Variants in IFNA5 observed in about 807,000 individuals in gnomAD.
IFNA5 encodes the protein interferon alpha 5.
For synonymous variants in IFNA5, 95 were observed against 77.6 expected (o/e 1.22, Z -1.18); for missense variants, 267 against 213.8 (o/e 1.25, Z -1.55).
rs189199489 is a variant in IFNA5 at position 21,305,273 on chromosome 9, G to T, written c.-17C>A. 3.8e-6 allele frequency: 6 copies of T among 1,560,194 alleles called. No homozygotes were observed. Among genetic ancestry groups the T allele is most frequent in the Non-Finnish European group, 5.2e-6 (6 of 1,157,086 alleles). The stretch of plus-strand genomic sequence containing the variant: ...CAAGGCCATTGGGGAGGTTGCAGAT[G>T]CTTCTGGGCTGTTGAGATTGAGTGA... On this transcript the variant is annotated 5_prime_UTR_variant, in exon 1 of 1. Coordinates refer to ENST00000610521, the MANE Select transcript of IFNA5 (RefSeq NM_002169.3).
Position 21,305,284 on chromosome 9 carries a change from G to A in IFNA5, c.-28C>T. ...GGGAGGTTGCAGATGCTTCTGGGCT[G>A]TTGAGATTGAGTGACCCTGAACCTT... On this transcript the variant is annotated 5_prime_UTR_variant, in exon 1 of 1. Coordinates refer to ENST00000610521, the MANE Select transcript of IFNA5 (RefSeq NM_002169.3). The A allele has an allele frequency of 6.5e-7, 1 of 1,541,404 alleles. No homozygotes were observed. The highest frequency in any genetic ancestry group is 1.3e-5 in the South Asian group (1 of 77,842).
At position 21,304,533 on chromosome 9, in the gene IFNA5, AAAG is replaced by A. The variant is rs1819810522; in HGVS notation, c.*151_*153del. The A allele has an allele frequency of 2.6e-6, 2 of 769,642 alleles. No individual in the cohort carries two copies. The highest frequency in any genetic ancestry group is 3.5e-5 in the African/African-American group (2 of 56,770). The allele number at this position is 769,642 out of a possible 1,614,324, so 47.7% of individuals were successfully genotyped here. A position where few individuals can be genotyped will look rare whatever the true frequency, so the allele number is the denominator to read the frequency against. ...GTAAAGATTTTGTCCCTGTGGAGCTAAAGAAGTGTTGCTTAACACGTGTGAAAC... is the reference window on the plus strand; with the variant it reads ...GTAAAGATTTTGTCCCTGTGGAGCTAAAGTGTTGCTTAACACGTGTGAAAC... On this transcript the variant is annotated 3_prime_UTR_variant, in exon 1 of 1. Transcript: ENST00000610521.
chr9:21,304,989 G>A lies in IFNA5; in HGVS notation c.268C>T (p.Leu90Phe). The part of the protein sequence containing the change: ...LHEMIQQTFN[L>F]FSTKDSSATW... Reference sequence around the variant, plus strand: ...GCAGATGAGTCCTTTGTGCTGAAGAGATTGAAGGTCTGCTGGATCATCTCA... The same window carrying A: ...GCAGATGAGTCCTTTGTGCTGAAGAAATTGAAGGTCTGCTGGATCATCTCA... The change falls in exon 1 of 1, where the codon CTC becomes TTC. Residue 90 changes from leucine (L) to phenylalanine (F), a missense_variant. By Grantham distance (22) the Leu-to-Phe change is conservative. Coordinates refer to ENST00000610521, the MANE Select transcript of IFNA5 (RefSeq NM_002169.3). 9 of 1,614,226 alleles carry A rather than the reference G, an allele frequency of 5.6e-6. No individual in the cohort carries two copies. Among genetic ancestry groups the A allele is most frequent in the Non-Finnish European group, 7.6e-6 (9 of 1,180,038 alleles).
In IFNA5 at chr9:21,305,036, G is replaced by A. The variant is rs770111825; in HGVS notation, c.221C>T (p.Ala74Val). 6.2e-6 allele frequency: 10 copies of A among 1,614,224 alleles called. No homozygotes were observed. In the East Asian group the frequency reaches 2.0e-4, roughly 32 times the overall value. The change falls in exon 1 of 1, where the codon GCT becomes GTT. Residue 74 changes from alanine (A) to valine (V), a missense_variant. Transcript: ENST00000610521. ...EEFDGNQFQK[A>V]QAISVLHEMI... The stretch of plus-strand genomic sequence containing the variant: ...CTCATGGAGGACAGAGATGGCTTGA[G>A]CCTTCTGGAACTGGTTGCCATCAAA...
At position 21,305,208 on chromosome 9, in the gene IFNA5, T is replaced by G. The variant is rs776157117; in HGVS notation, c.49A>C (p.Lys17Gln). 1.9e-6 allele frequency: 3 copies of G among 1,611,114 alleles called. No individual in the cohort carries two copies. Among genetic ancestry groups the G allele is most frequent in the South Asian group, 2.2e-5 (2 of 90,502 alleles). ...TCACAGCCCAGAGAACAGATTGACT[T>G]GCAGTTGAGCACCACCAGGGCCATC... ...LLMALVVLNC[K>Q]SICSLGCDLP... Residue 17 changes from lysine (K) to glutamine (Q), a missense_variant, in exon 1 of 1, where the codon AAG becomes CAG. Lys to Gln is a moderately conservative substitution (Grantham distance 53). Coordinates refer to ENST00000610521, the MANE Select transcript of IFNA5 (RefSeq NM_002169.3).
rs748709351 is a variant in IFNA5, at chr9:21,304,923, G to T, written c.334C>A (p.Leu112Ile). 3 of 1,614,198 alleles carry T rather than the reference G, an allele frequency of 1.9e-6. No individual in the cohort carries two copies. The highest frequency in any genetic ancestry group is 1.1e-5 in the South Asian group (1 of 91,078). ...ETLLDKFYTELYQQLNDLEAC... is the reference protein window; with the variant it reads ...ETLLDKFYTEIYQQLNDLEAC... ...TCCAGGTCATTCAGCTGCTGGTAAA[G>T]TTCAGTGTAGAATTTGTCTAGAAGT... Residue 112 changes from leucine (L) to isoleucine (I), a missense_variant, in exon 1 of 1, where the codon CTT (leucine) becomes ATT (isoleucine). Transcript: ENST00000610521.
Position 21,304,929 on chromosome 9 carries a change from T to C in IFNA5, c.328A>G (p.Thr110Ala), listed in dbSNP as rs772434166. 32 of 1,613,984 alleles carry C rather than the reference T, an allele frequency of 2.0e-5. No homozygotes were observed. Among genetic ancestry groups the C allele is most frequent in the Non-Finnish European group, 2.7e-5 (32 of 1,180,024 alleles). The stretch of plus-strand genomic sequence containing the variant: ...TCATTCAGCTGCTGGTAAAGTTCAG[T>C]GTAGAATTTGTCTAGAAGTGTCTCA... Reference protein sequence around the residue: ...WDETLLDKFYTELYQQLNDLE... With the variant: ...WDETLLDKFYAELYQQLNDLE... The change falls in exon 1 of 1, where the codon ACT becomes GCT. Residue 110 changes from threonine to alanine, a missense_variant. Coordinates refer to ENST00000610521, the MANE Select transcript of IFNA5 (RefSeq NM_002169.3).
At position 21,304,654 on chromosome 9, in the gene IFNA5, T is replaced by C. The variant is rs777766332; in HGVS notation, c.*33A>G. On this transcript the variant is annotated 3_prime_UTR_variant, in exon 1 of 1. Coordinates refer to ENST00000610521, the MANE Select transcript of IFNA5 (RefSeq NM_002169.3). ...CAAGAAGTGTGAAATGGTGTACTAG[T>C]CAATGAGAATCATTTCGATGTTGAA... 1 of 1,583,992 alleles carries C rather than the reference T, an allele frequency of 6.3e-7. No homozygotes were observed. Among genetic ancestry groups the C allele is most frequent in the Non-Finnish European group, 8.6e-7 (1 of 1,161,112 alleles).
In IFNA5 at chr9:21,304,482, G is replaced by T. The variant is rs990890246; in HGVS notation, c.*205C>A. ...AGACAGACAGATAGATAAATAGATA[G>T]AATAGATAGATTGGCATGATCATCT... is the stretch of plus-strand genomic sequence containing the variant. On this transcript the variant is annotated 3_prime_UTR_variant, in exon 1 of 1. Transcript: ENST00000610521. 8.5e-5 allele frequency: 37 copies of T among 432,902 alleles called. No homozygotes were observed. The highest frequency in any genetic ancestry group is 3.6e-4 in the Admixed American group (9 of 25,152). The allele number at this position is 432,902 out of a possible 1,614,324, so 26.8% of individuals were successfully genotyped here.
chr9:21,304,829 A>G lies in IFNA5; in HGVS notation c.428T>C (p.Val143Ala), dbSNP rs1819817204. 6 of 1,614,166 alleles carry G rather than the reference A, an allele frequency of 3.7e-6. No homozygotes were observed. The highest frequency in any genetic ancestry group is 4.2e-6 in the Non-Finnish European group (5 of 1,180,020). Reference protein sequence around the residue: ...PLMNVDSILTVRKYFQRITLY... With the variant: ...PLMNVDSILTARKYFQRITLY... Reference sequence around the variant, plus strand: ...GGTGATTCTTTGAAAGTATTTTCTCACAGTCAGGATAGAGTCCACATTCAT... The same window carrying G: ...GGTGATTCTTTGAAAGTATTTTCTCGCAGTCAGGATAGAGTCCACATTCAT... Residue 143 changes from valine to alanine, a missense_variant, in exon 1 of 1, where the codon GTG becomes GCG. Val to Ala is a moderately conservative substitution (Grantham distance 64). Coordinates refer to ENST00000610521, the MANE Select transcript of IFNA5 (RefSeq NM_002169.3).
In IFNA5 at chr9:21,304,611, AT is replaced by A; in HGVS notation, c.*75del. 6.8e-7 allele frequency: 1 copy of A among 1,475,204 alleles called. No homozygotes were observed. Among genetic ancestry groups the A allele is most frequent in the Non-Finnish European group, 9.2e-7 (1 of 1,091,554 alleles). 91.4% of individuals were successfully genotyped at this position (1,475,204 alleles called of 1,614,324 possible). On this transcript the variant is annotated 3_prime_UTR_variant, in exon 1 of 1. Coordinates refer to ENST00000610521, the MANE Select transcript of IFNA5 (RefSeq NM_002169.3). ...AGTCATGGATATAGCAGAAATTAAT[AT>A]TTGAAACGGCAGAACTCAAGAAGTG...
Position 21,305,301 on chromosome 9 carries a change from C to T in IFNA5, c.-45G>A. ...TCTGGGCTGTTGAGATTGAGTGACCCTGAACCTTGGGCTCTTCTCTGAAGA... is the reference window on the plus strand; with the variant it reads ...TCTGGGCTGTTGAGATTGAGTGACCTTGAACCTTGGGCTCTTCTCTGAAGA... On this transcript the variant is annotated 5_prime_UTR_variant, in exon 1 of 1. Transcript: ENST00000610521. 1.3e-6 allele frequency: 2 copies of T among 1,493,386 alleles called. No homozygotes were observed. The highest frequency in any genetic ancestry group is 1.8e-6 in the Non-Finnish European group (2 of 1,109,320). 92.5% of individuals were successfully genotyped at this position (1,493,386 alleles called of 1,614,324 possible).
At position 21,304,960 on chromosome 9, in the gene IFNA5, A is replaced by C; in HGVS notation, c.297T>G (p.Thr99=). Residue 99 remains threonine, a synonymous_variant, in exon 1 of 1, where the codon ACT becomes ACG. Transcript: ENST00000610521. ...NLFSTKDSSA[T]WDETLLDKFY... is the part of the protein sequence containing the mutation. Reference sequence around the variant, plus strand: ...ATTTGTCTAGAAGTGTCTCATCCCAAGTAGCAGATGAGTCCTTTGTGCTGA... The same window carrying C: ...ATTTGTCTAGAAGTGTCTCATCCCACGTAGCAGATGAGTCCTTTGTGCTGA... 1.2e-6 allele frequency: 2 copies of C among 1,614,166 alleles called. No homozygotes were observed. The highest frequency in any genetic ancestry group is 1.7e-6 in the Non-Finnish European group (2 of 1,180,028).
At position 21,304,366 on chromosome 9, in the gene IFNA5, A is replaced by G. The variant is rs1819807299; in HGVS notation, c.*321T>C. ...ACATATTTTATTATATTAGCCACAA[A>G]GTAAAGGTGGATGTAATATTACCTG... is the stretch of plus-strand genomic sequence containing the variant. On this transcript the variant is annotated 3_prime_UTR_variant, in exon 1 of 1. Transcript: ENST00000610521. 6.5e-6 allele frequency: 1 copy of G among 152,900 alleles called. No homozygotes were observed. The highest frequency in any genetic ancestry group is 2.1e-4 in the South Asian group (1 of 4,840). 9.5% of individuals were successfully genotyped at this position (152,900 alleles called of 1,614,324 possible).
At position 21,305,146 on chromosome 9, in the gene IFNA5, A is replaced by C. The variant is rs1819829083; in HGVS notation, c.111T>G (p.Thr37=). 1 of 1,614,072 alleles carries C rather than the reference A, an allele frequency of 6.2e-7. No individual in the cohort carries two copies. The highest frequency in any genetic ancestry group is 1.3e-5 in the African/African-American group (1 of 74,924). Residue 37 remains threonine, a synonymous_variant, in exon 1 of 1, where the codon ACT becomes ACG. Transcript: ENST00000610521. Reference sequence around the variant, plus strand: ...TTCCCATTTGTGCCATTATCATCAAAGTCCTCCTGTTACTCAGGCTGTGGG... The same window carrying C: ...TTCCCATTTGTGCCATTATCATCAACGTCCTCCTGTTACTCAGGCTGTGGG... The part of the protein sequence containing the change: ...PQTHSLSNRR[T]LMIMAQMGRI...
chr9:21,305,056 A>C lies in IFNA5; in HGVS notation c.201T>G (p.Asp67Glu). ...HDFGFPQEEFDGNQFQKAQAI... is the reference protein window; with the variant it reads ...HDFGFPQEEFEGNQFQKAQAI... ...CTTGAGCCTTCTGGAACTGGTTGCC[A>C]TCAAACTCCTCCTGAGGAAATCCAA... is the stretch of plus-strand genomic sequence containing the variant. The change falls in exon 1 of 1, where the codon GAT (aspartate) becomes GAG (glutamate). Residue 67 changes from aspartate (D) to glutamate (E), a missense_variant. Transcript: ENST00000610521. 6.2e-7 allele frequency: 1 copy of C among 1,614,232 alleles called. No individual in the cohort carries two copies. Among genetic ancestry groups the C allele is most frequent in the Non-Finnish European group, 8.5e-7 (1 of 1,180,040 alleles).
chr9:21,304,903 G>A lies in IFNA5; in HGVS notation c.354C>T (p.Asp118=), dbSNP rs780812383. The change falls in exon 1 of 1, where the codon GAC becomes GAT. Residue 118 remains aspartate, a synonymous_variant. Transcript: ENST00000610521. ...FYTELYQQLN[D]LEACMMQEVG... ...CCTCCTGCATCATACAGGCTTCCAGGTCATTCAGCTGCTGGTAAAGTTCAG... is the reference window on the plus strand; with the variant it reads ...CCTCCTGCATCATACAGGCTTCCAGATCATTCAGCTGCTGGTAAAGTTCAG... The A allele has an allele frequency of 6.2e-7, 1 of 1,614,150 alleles. No homozygotes were observed. The highest frequency in any genetic ancestry group is 8.5e-7 in the Non-Finnish European group (1 of 1,180,018).
Position 21,304,658 on chromosome 9 carries a change from T to G in IFNA5, c.*29A>C. On this transcript the variant is annotated 3_prime_UTR_variant, in exon 1 of 1. Coordinates refer to ENST00000610521, the MANE Select transcript of IFNA5 (RefSeq NM_002169.3). ...AAGTGTGAAATGGTGTACTAGTCAA[T>G]GAGAATCATTTCGATGTTGAACCAG... is the stretch of plus-strand genomic sequence containing the variant. The G allele has an allele frequency of 1.8e-5, 28 of 1,588,944 alleles. No homozygotes were observed. Among genetic ancestry groups the G allele is most frequent in the Middle Eastern group, 1.7e-4 (1 of 5,886 alleles).
chr9:21,304,869 C>T lies in IFNA5; in HGVS notation c.388G>A (p.Glu130Lys), dbSNP rs775964667. ...TCCACATTCATCAGAGGAGTGTCTT[C>T]CACTCCAACCTCCTGCATCATACAG... Reference protein sequence around the residue: ...EACMMQEVGVEDTPLMNVDSI... With the variant: ...EACMMQEVGVKDTPLMNVDSI... Residue 130 changes from glutamate (E) to lysine (K), a missense_variant, in exon 1 of 1, where the codon GAA becomes AAA. Transcript: ENST00000610521. 1 of 1,614,124 alleles carries T rather than the reference C, an allele frequency of 6.2e-7. No homozygotes were observed. Among genetic ancestry groups the T allele is most frequent in the South Asian group, 1.1e-5 (1 of 91,066 alleles).
Sources: gnomAD v4.1 joint callset for allele counts on GRCh38, gnomAD v4.1.1 for gene constraint, MANE v1.5 for transcripts, NCBI Gene and HGNC (gene_info 2026-07-23, HGNC 2026-07-21) for gene names.